The following ADAMTS19 variants were observed in gnomAD, a reference collection of about 807,000 sequenced individuals.
The protein encoded by ADAMTS19 is ADAM metallopeptidase with thrombospondin type 1 motif 19, also known as A disintegrin and metalloproteinase with thrombospondin motifs 19.
Under a neutral mutation model 153.3 loss-of-function variants are expected in ADAMTS19, and 93 were observed. The observed-to-expected ratio is 0.61, with a 90% CI of 0.51 to 0.72. The LOEUF (loss-of-function observed/expected upper bound fraction) is 0.72. ADAMTS19 is among the 30% of genes least tolerant of loss of function. The probability of loss-of-function intolerance (pLI) is 0.00; values close to 1 mark genes in which losing one functional copy is unlikely to be tolerated. For missense variants in ADAMTS19, 1,482 were observed against 1,552.1 expected (o/e 0.95, Z 0.76); for synonymous variants, 600 against 556.6 (o/e 1.08, Z -1.10).
intron 7 of ADAMTS19, among the ~76,000 whole-genome samples, chr5:129,587,464 T>A (rs1161540427): frequency 1.3e-5 from 2 of 152,150 alleles, no homozygotes; most frequent in African/African-American, 4.8e-5. Flanking sequence ...TGATTAATTT[T>A]TAGAAATCTC....
At chr5:129,496,669 T>A (rs897193934) in intron 2 of ADAMTS19, among the ~76,000 whole-genome samples, 1 of 152,088 alleles carries the variant, frequency 6.6e-6, no homozygotes, top group Non-Finnish European at 1.5e-5. Flanking sequence ...GGTCTCATTC[T>A]CTTCTACTTA....
Position 129,606,092 on chromosome 5 carries a change from T to C in ADAMTS19, c.1478+9428T>C, listed in dbSNP as rs1322327533. On this transcript the variant is annotated intron_variant, in intron 8 of 22. Transcript: ENST00000274487. ...AGTTTCTTTGGAACTAAAAGGCTAA[T>C]GGGGCAACAAATATGCAAAGTTACC... is the stretch of plus-strand genomic sequence containing the variant. 3.9e-5 allele frequency among the ~76,000 whole-genome samples: 6 copies of C among 152,176 alleles called. No homozygotes were observed. The South Asian group carries it at 8.3e-4, about 21-fold the overall frequency.
At chr5:129,694,630 A>C (rs1007479857) in intron 18 of ADAMTS19, 90 bp from the exon 19 acceptor site, 24 of 989,464 alleles carry the variant, frequency 2.4e-5, no homozygotes, top group Middle Eastern at 7.0e-4. Flanking sequence ...TTTTTAAATA[A>C]AAAATAAGCA....
rs562376033 is a variant in ADAMTS19 at position 129,509,301 on chromosome 5, A to C, written c.913+59A>C. On this transcript the variant is annotated intron_variant, in intron 3 of 22. Transcript: ENST00000274487. ...ATATTCAATGTGAGATGACTACTTTAAAAAAACTCTCTCGTCTATTTACTA... is the reference window on the plus strand; with the variant it reads ...ATATTCAATGTGAGATGACTACTTTCAAAAAACTCTCTCGTCTATTTACTA... 4 of 1,467,478 alleles carry C rather than the reference A, an allele frequency of 2.7e-6. No homozygotes were observed. The East Asian group carries it at 9.4e-5, about 35-fold the overall frequency. The allele number at this position is 1,467,478 out of a possible 1,614,324, so 90.9% of individuals were successfully genotyped here. A position where few individuals can be genotyped will look rare whatever the true frequency, so the allele number is the denominator to read the frequency against.
At chr5:129,522,332 CATATATATAT>C (rs1209637522) in intron 3 of ADAMTS19, among the ~76,000 whole-genome samples, 35 of 58,622 alleles carry the variant, frequency 6.0e-4, no homozygotes, top group African/African-American at 2.3e-3. Flanking sequence ...CACACACACA[CATATATATAT>C]ATATATATAT....
chr5:129,662,912 T>TTTTTTTA (rs1753878560), intron 15 of ADAMTS19, among the ~76,000 whole-genome samples: 1 of 138,898 alleles, frequency 7.2e-6, no homozygotes, highest in African/African-American at 3.0e-5. Context: ...TTTTTTTTTT[T>TTTTTTTA]GAGACAGAGC....
At chr5:129,697,166 G>A (rs1319779455) in intron 19 of ADAMTS19, among the ~76,000 whole-genome samples, 1 of 152,082 alleles carries the variant, frequency 6.6e-6, no homozygotes, top group Non-Finnish European at 1.5e-5. Context: ...GCTACAAAGA[G>A]TCTATTTGGT....
intron 4 of ADAMTS19, among the ~76,000 whole-genome samples, chr5:129,527,336 T>C (rs1004242730): frequency 6.6e-6 from 1 of 151,194 alleles, no homozygotes; most frequent in Non-Finnish European, 1.5e-5. Context: ...CATTTTTTAC[T>C]ATCTTTGCTA....
chr5:129,476,169 G>C (rs1231285601), intron 2 of ADAMTS19, among the ~76,000 whole-genome samples: 2 of 151,812 alleles, frequency 1.3e-5, no homozygotes, highest in Non-Finnish European at 2.9e-5. Flanking sequence ...CAATAGTGGA[G>C]TCTTGATTAA....
intron 8 of ADAMTS19, among the ~76,000 whole-genome samples, chr5:129,612,862 A>G (rs1416381336): frequency 6.6e-6 from 1 of 152,154 alleles, no homozygotes; most frequent in Non-Finnish European, 1.5e-5. Context: ...GCAAAATGGA[A>G]AACAAAAAAG....
chr5:129,643,205 TC>T (rs1752884650), intron 11 of ADAMTS19, among the ~76,000 whole-genome samples: 1 of 149,966 alleles, frequency 6.7e-6, no homozygotes, highest in African/African-American at 2.5e-5. Flanking sequence ...ATTTTCAAAC[TC>T]ATAAAATTAG....
At chr5:129,611,991 T>C (rs933977826) in intron 8 of ADAMTS19, among the ~76,000 whole-genome samples, 2 of 152,028 alleles carry the variant, frequency 1.3e-5, no homozygotes, top group Non-Finnish European at 2.9e-5. Flanking sequence ...ATTATTATTA[T>C]ATTTTAAGTT....
chr5:129,681,997 C>A (rs1754838417), intron 17 of ADAMTS19, among the ~76,000 whole-genome samples: 1 of 151,982 alleles, frequency 6.6e-6, no homozygotes, highest in Non-Finnish European at 1.5e-5. Context: ...ATAAATGTAA[C>A]CTCCCCTGTT....
At chr5:129,716,040 A>T (rs1756712093) in intron 21 of ADAMTS19, among the ~76,000 whole-genome samples, 1 of 152,044 alleles carries the variant, frequency 6.6e-6, no homozygotes, top group Non-Finnish European at 1.5e-5. Context: ...CATGAGAAAC[A>T]GAAAAAAAAA....
At chr5:129,652,008 G>C (rs1234789065) in intron 13 of ADAMTS19, among the ~76,000 whole-genome samples, 1 of 152,040 alleles carries the variant, frequency 6.6e-6, no homozygotes, top group Non-Finnish European at 1.5e-5. Flanking sequence ...ATAAGAGATA[G>C]AAAATAGGTG....
chr5:129,552,950 A>G (rs1753180306), intron 7 of ADAMTS19, among the ~76,000 whole-genome samples: 1 of 152,024 alleles, frequency 6.6e-6, no homozygotes, highest in Non-Finnish European at 1.5e-5. Flanking sequence ...GTCGGCATGA[A>G]AAGAGCTGGG....
intron 21 of ADAMTS19, among the ~76,000 whole-genome samples, chr5:129,723,742 A>G (rs1757096169): frequency 6.6e-6 from 1 of 152,234 alleles, no homozygotes; most frequent in East Asian, 1.9e-4. Flanking sequence ...TCTGAGCCAA[A>G]TATGTGTGAC....
intron 11 of ADAMTS19, among the ~76,000 whole-genome samples, chr5:129,642,595 A>G (rs1244663230): frequency 1.3e-5 from 2 of 152,234 alleles, no homozygotes; most frequent in Non-Finnish European, 2.9e-5. Flanking sequence ...ATCAAAAGAT[A>G]ACAGATCAAT....
At position 129,556,845 on chromosome 5, in the gene ADAMTS19, C is replaced by T. The variant is rs187679323; in HGVS notation, c.1372+4938C>T. On this transcript the variant is annotated intron_variant, in intron 7 of 22. Coordinates refer to ENST00000274487, the MANE Select transcript of ADAMTS19 (RefSeq NM_133638.6). ...GAAATAGAATCTTCCCTAGAGCCGACATAAGTGAACACAAACAGCCTTTTC... is the reference window on the plus strand; with the variant it reads ...GAAATAGAATCTTCCCTAGAGCCGATATAAGTGAACACAAACAGCCTTTTC... Among the ~76,000 whole-genome samples the T allele has an allele frequency of 4.5e-4, 68 of 152,266 alleles. 1 individual carries two copies. Among genetic ancestry groups the T allele is most frequent in the Admixed American group, 3.9e-3 (59 of 15,294 alleles).
Sources: allele counts gnomAD v4.1 joint callset (sites outside exome capture counted in the v4.1 genomes callset), GRCh38; gene constraint gnomAD v4.1.1; transcripts MANE v1.5; gene names NCBI Gene and HGNC (gene_info 2026-07-23, HGNC 2026-07-21).